Variants in PRKN observed in about 807,000 individuals in gnomAD.
PRKN encodes the protein parkin RBR E3 ubiquitin protein ligase.
Under a neutral mutation model 59.5 loss-of-function variants are expected in PRKN, and 56 were observed. That is an observed-to-expected ratio of 0.94 (90% CI 0.76 to 1.18). The LOEUF is 1.18. Ranked by LOEUF, PRKN falls within the 50% of genes most tolerant of loss-of-function variation. PRKN has a pLI of 0.00. For synonymous variants in PRKN, 250 were observed against 222.1 expected, an observed-to-expected ratio of 1.13 and a Z score of -1.12; for missense variants, 657 against 596.4, an observed-to-expected ratio of 1.10 and a Z score of -1.06.
intron 2 of PRKN, among the ~76,000 whole-genome samples, chr6:162,388,092 TAGG>T (rs1480943619): frequency 2.6e-5 from 4 of 152,178 alleles, no homozygotes; most frequent in African/African-American, 9.6e-5. Flanking sequence ...GGTGTTATTT[TAGG>T]AGAAGGCTGA....
intron 7 of PRKN, among the ~76,000 whole-genome samples, chr6:161,679,556 C>CT (rs34325718): frequency 0.089 from 9,718 of 108,948 alleles, 473 homozygotes; most frequent in Middle Eastern, 0.16. Context: ...AGTTTCAAGT[C>CT]TTTTTTTTTT....
chr6:162,390,370 C>T, intron 2 of PRKN, among the ~76,000 whole-genome samples: 1 of 94,958 alleles, frequency 1.1e-5, no homozygotes, highest in African/African-American at 4.6e-5. Context: ...GATTATACTG[C>T]TAAGGTATAT....
chr6:161,899,868 A>G (rs1166604694), intron 6 of PRKN, among the ~76,000 whole-genome samples: 1 of 152,190 alleles, frequency 6.6e-6, no homozygotes, highest in Non-Finnish European at 1.5e-5. Flanking sequence ...CTTGCCTGTA[A>G]TCCCAGCACT....
At chr6:161,775,099 G>A (rs907388060) in intron 7 of PRKN, among the ~76,000 whole-genome samples, 5 of 152,188 alleles carry the variant, frequency 3.3e-5, no homozygotes, top group Non-Finnish European at 7.3e-5. Flanking sequence ...GACACATGGA[G>A]ATTGCATGTG....
intron 6 of PRKN, among the ~76,000 whole-genome samples, chr6:161,904,766 T>A (rs902384504): frequency 2.0e-5 from 3 of 151,986 alleles, no homozygotes; most frequent in Non-Finnish European, 4.4e-5. Context: ...GATGGGGGTG[T>A]GGGTCAAGAA....
At chr6:161,418,268 G>A (rs1462115936) in intron 9 of PRKN, among the ~76,000 whole-genome samples, 1 of 152,238 alleles carries the variant, frequency 6.6e-6, no homozygotes, top group Non-Finnish European at 1.5e-5. Context: ...AAGAACAGGT[G>A]TGTCAAGCCA....
At chr6:161,777,715 TTATATAC>T (rs1789990976) in intron 7 of PRKN, among the ~76,000 whole-genome samples, 1 of 144,394 alleles carries the variant, frequency 6.9e-6, no homozygotes, top group Non-Finnish European at 1.5e-5. Flanking sequence ...AAGAGATATT[TTATATAC>T]ATATATATCT....
At chr6:161,649,963 G>A (rs897016520) in intron 7 of PRKN, among the ~76,000 whole-genome samples, 3 of 152,198 alleles carry the variant, frequency 2.0e-5, no homozygotes, top group African/African-American at 7.2e-5. Flanking sequence ...ACCATGTTGT[G>A]AGGAAGCCCA....
Position 162,547,870 on chromosome 6 carries a change from C to T in PRKN, c.8-104397G>A, listed in dbSNP as rs1205712646. 4.6e-5 allele frequency among the ~76,000 whole-genome samples: 7 copies of T among 152,244 alleles called. No homozygotes were observed. In the East Asian group the frequency reaches 1.4e-3, roughly 30 times the overall value. ...CTGCTGGGATTATAGGCATGAGCCA[C>T]CGTGCCTGGCCAACAGTTATTAACA... On this transcript the variant is annotated intron_variant, in intron 1 of 11. Transcript: ENST00000366898.
chr6:162,539,898 C>CA (rs1272551531), intron 1 of PRKN, among the ~76,000 whole-genome samples: 20 of 151,420 alleles, frequency 1.3e-4, no homozygotes, highest in Middle Eastern at 3.4e-3. Flanking sequence ...AGTTATTTCT[C>CA]AAAAAAAAAT....
chr6:162,618,448 T>C (rs898215145), intron 1 of PRKN, among the ~76,000 whole-genome samples: 1 of 152,128 alleles, frequency 6.6e-6, no homozygotes, highest in Admixed American at 6.5e-5. Context: ...AAATCAAATA[T>C]TTTATAAATT....
chr6:162,455,818 A>G (rs1464019366), intron 1 of PRKN, among the ~76,000 whole-genome samples: 1 of 152,150 alleles, frequency 6.6e-6, no homozygotes. Flanking sequence ...AGTGTATTAA[A>G]CTGAAGAACA....
At chr6:162,588,674 C>G (rs1040566535) in intron 1 of PRKN, among the ~76,000 whole-genome samples, 15 of 152,130 alleles carry the variant, frequency 9.9e-5, no homozygotes, top group Non-Finnish European at 2.1e-4. Flanking sequence ...GCCTCAGCCT[C>G]CCGAGTAGCT....
chr6:161,765,417 G>T (rs977962587), intron 7 of PRKN, among the ~76,000 whole-genome samples: 12 of 152,178 alleles, frequency 7.9e-5, no homozygotes, highest in African/African-American at 2.6e-4. Flanking sequence ...TTTATTTTTG[G>T]ATCAGAAGGA....
chr6:161,350,595 T>C (rs1411430792), intron 11 of PRKN, among the ~76,000 whole-genome samples: 1 of 131,950 alleles, frequency 7.6e-6, no homozygotes, highest in Non-Finnish European at 1.5e-5. Context: ...AAATATATTT[T>C]TATATATTTA....
At chr6:161,870,068 G>A (rs112789440) in intron 6 of PRKN, among the ~76,000 whole-genome samples, 1 of 152,262 alleles carries the variant, frequency 6.6e-6, no homozygotes, top group Non-Finnish European at 1.5e-5. Context: ...TGAGGGTAGA[G>A]GATAGAAAAG....
rs781386804 is a variant in PRKN, at chr6:161,386,630, G to A, written c.1167+164C>T. On this transcript the variant is annotated intron_variant, in intron 10 of 11. Transcript: ENST00000366898. The surrounding 1 kb of genome is among the most constrained non-coding windows in gnomAD (Gnocchi z 4.3). ...GAAGTCTACACTGTGCCCCAAGGAG[G>A]GGAGTCATTCTGGGAGAAGCCACGG... is the stretch of plus-strand genomic sequence containing the variant. Among the ~76,000 whole-genome samples, 35 of 152,176 alleles carry A rather than the reference G, an allele frequency of 2.3e-4. 1 individual carries two copies. The highest frequency in any genetic ancestry group is 4.6e-4 in the Non-Finnish European group (31 of 68,026).
intron 3 of PRKN, among the ~76,000 whole-genome samples, chr6:162,226,366 C>T (rs1042565210): frequency 1.3e-5 from 2 of 152,086 alleles, no homozygotes; most frequent in African/African-American, 4.8e-5. Flanking sequence ...TGGATAGGGG[C>T]CCTAGGGCTC....
intron 2 of PRKN, among the ~76,000 whole-genome samples, chr6:162,305,939 T>C (rs1206202896): frequency 6.6e-6 from 1 of 152,140 alleles, no homozygotes; most frequent in East Asian, 1.9e-4. Context: ...TGATATCATC[T>C]CTTTTCTTTT....
Sources: gnomAD v4.1 joint callset for allele counts (sites outside exome capture counted in the v4.1 genomes callset) on GRCh38, gnomAD v4.1.1 for gene constraint, Gnocchi (gnomAD v3.1) non-coding constraint, MANE v1.5 for transcripts, NCBI Gene and HGNC (gene_info 2026-07-23, HGNC 2026-07-21) for gene names.